The following NCKAP5 variants were observed in gnomAD, a reference collection of about 807,000 sequenced individuals.
The protein encoded by NCKAP5 is nck-associated protein 5.
A neutral mutation model predicts 167.0 loss-of-function variants in NCKAP5; 92 were observed. That is an observed-to-expected ratio of 0.55 (90% CI 0.47 to 0.66). NCKAP5 has a LOEUF of 0.66. Among genes scored for constraint, NCKAP5 ranks in the 30% least tolerant of loss-of-function variants. The pLI is 0.00. For synonymous variants in NCKAP5, 891 were observed against 877.4 expected (o/e 1.02, Z -0.27); for missense variants, 2,378 against 2,315.0 (o/e 1.03, Z -0.56).
rs567026552 is a variant in NCKAP5, at chr2:133,161,925, A to G, written c.208-31814T>C. On this transcript the variant is annotated intron_variant, in intron 5 of 19. Coordinates refer to ENST00000409261, the MANE Select transcript of NCKAP5 (RefSeq NM_207363.3). ...TCTCCTGTATCAGGGATCTACAACC[A>G]GGGAGAAAAGTACAGAGTTTTTAAA... Among the ~76,000 whole-genome samples, 131 of 152,308 alleles carry G rather than the reference A, an allele frequency of 8.6e-4. 1 individual carries two copies. Among genetic ancestry groups the G allele is most frequent in the African/African-American group, 2.8e-3 (116 of 41,578 alleles).
At chr2:132,676,461 C>A (rs1684508301) in intron 19 of NCKAP5, among the ~76,000 whole-genome samples, 1 of 151,874 alleles carries the variant, frequency 6.6e-6, no homozygotes, top group Admixed American at 6.6e-5. Flanking sequence ...CTGGGCTCCT[C>A]AAGTGGTGCT....
At chr2:132,903,706 G>A (rs1484615973) in intron 8 of NCKAP5, among the ~76,000 whole-genome samples, 2 of 152,162 alleles carry the variant, frequency 1.3e-5, no homozygotes. Context: ...ATCTTTTGGA[G>A]GGTTTTGAGA....
At chr2:133,629,239 C>G in the NCKAP5 span, among the ~76,000 whole-genome samples, 1 of 152,172 alleles carries the variant, frequency 6.6e-6, no homozygotes, top group Non-Finnish European at 1.5e-5. Flanking sequence ...GTCTATCCAT[C>G]TGACAAAGGT....
chr2:132,722,301 C>T (rs1399328301), intron 19 of NCKAP5, among the ~76,000 whole-genome samples: 2 of 152,196 alleles, frequency 1.3e-5, no homozygotes, highest in African/African-American at 2.4e-5. Context: ...CCTACTTCTC[C>T]TGTCTACACT....
intron 6 of NCKAP5, among the ~76,000 whole-genome samples, chr2:133,021,832 CT>C (rs2078539754): frequency 6.6e-6 from 1 of 152,088 alleles, no homozygotes; most frequent in Non-Finnish European, 1.5e-5. Flanking sequence ...GGTTTTGCCA[CT>C]TTGCCCAGGC....
intron 16 of NCKAP5, among the ~76,000 whole-genome samples, chr2:132,744,018 A>G (rs1296604590): frequency 6.6e-6 from 1 of 151,810 alleles, no homozygotes; most frequent in African/African-American, 2.4e-5. Context: ...TATATCTATA[A>G]CAATAGAACT....
intron 8 of NCKAP5, among the ~76,000 whole-genome samples, chr2:132,959,820 A>T (rs1400881051): frequency 1.3e-5 from 2 of 152,160 alleles, no homozygotes; most frequent in Non-Finnish European, 2.9e-5. Flanking sequence ...CTTTGTTCTA[A>T]GTCAAATAAA....
intron 3 of NCKAP5, among the ~76,000 whole-genome samples, chr2:133,355,228 A>C (rs1684628858): frequency 6.6e-6 from 1 of 152,182 alleles, no homozygotes; most frequent in Non-Finnish European, 1.5e-5. Context: ...CCTAAAGAAA[A>C]TGTTTATGGC....
intron 19 of NCKAP5, among the ~76,000 whole-genome samples, chr2:132,674,581 T>C (rs1337399409): frequency 6.6e-6 from 1 of 152,168 alleles, no homozygotes; most frequent in Non-Finnish European, 1.5e-5. Context: ...CCCCCAACAT[T>C]GTTATGCTGG....
chr2:133,390,484 TC>T (rs938285937), intron 3 of NCKAP5, among the ~76,000 whole-genome samples: 2 of 152,180 alleles, frequency 1.3e-5, no homozygotes, highest in African/African-American at 4.8e-5. Flanking sequence ...TCTAATGCTT[TC>T]CTAGGCTAAG....
At chr2:133,472,393 C>T (rs1294298356) in intron 3 of NCKAP5, among the ~76,000 whole-genome samples, 1 of 151,928 alleles carries the variant, frequency 6.6e-6, no homozygotes, top group African/African-American at 2.4e-5. Context: ...GCTTTAGATG[C>T]TTTTCATTTA....
At chr2:132,913,673 G>A (rs961762904) in intron 8 of NCKAP5, among the ~76,000 whole-genome samples, 2 of 152,070 alleles carry the variant, frequency 1.3e-5, no homozygotes, top group African/African-American at 2.4e-5. Flanking sequence ...CTGTGGCTTT[G>A]CTTCCCACCA....
At position 133,309,785 on chromosome 2, in the gene NCKAP5, T is replaced by C. The variant is rs145021543; in HGVS notation, c.70-6675A>G. On this transcript the variant is annotated intron_variant, in intron 3 of 19. Transcript: ENST00000409261. The stretch of plus-strand genomic sequence containing the variant: ...GGTCAGTTCTGAGAGAGGCCCATTA[T>C]AAATGAATTCTAATGATGTGAGGAT... 5.9e-5 allele frequency among the ~76,000 whole-genome samples: 9 copies of C among 152,344 alleles called. No individual in the cohort carries two copies. The East Asian group carries it at 1.2e-3, about 20-fold the overall frequency.
chr2:132,710,175 G>A (rs893423059), intron 19 of NCKAP5, among the ~76,000 whole-genome samples: 13 of 152,002 alleles, frequency 8.6e-5, no homozygotes, highest in Non-Finnish European at 1.6e-4. Context: ...ACATGACTAC[G>A]TGATTCTAAA....
chr2:132,771,678 G>GT (rs34744009), intron 16 of NCKAP5, among the ~76,000 whole-genome samples: 21,796 of 142,652 alleles, frequency 0.15, 1,680 homozygotes, highest in East Asian at 0.21. Flanking sequence ...GATGCTAATT[G>GT]TTTTTTTTTT....
chr2:133,566,303 TA>T (rs1688552434), intron 1 of NCKAP5, among the ~76,000 whole-genome samples: 1 of 152,184 alleles, frequency 6.6e-6, no homozygotes. Context: ...GACTTGGAAG[TA>T]AAGCACAAAC....
intron 3 of NCKAP5, among the ~76,000 whole-genome samples, chr2:133,489,812 G>A (rs1464472113): frequency 1.3e-5 from 2 of 152,136 alleles, no homozygotes; most frequent in Admixed American, 6.5e-5. Flanking sequence ...AAATGGACAC[G>A]GTGACAGAAA....
At chr2:133,334,368 T>C (rs943864698) in intron 3 of NCKAP5, among the ~76,000 whole-genome samples, 1 of 152,164 alleles carries the variant, frequency 6.6e-6, no homozygotes, top group Non-Finnish European at 1.5e-5. Context: ...GTATCTGTCA[T>C]GGAGGGCATG....
At chr2:133,336,383 C>A (rs759369151) in intron 3 of NCKAP5, among the ~76,000 whole-genome samples, 32 of 152,098 alleles carry the variant, frequency 2.1e-4, no homozygotes, top group Non-Finnish European at 4.0e-4. Context: ...CCATGCTTTT[C>A]CTTTCCTTTA....
Sources: gnomAD v4.1 joint callset for allele counts (sites outside exome capture counted in the v4.1 genomes callset) on GRCh38, gnomAD v4.1.1 for gene constraint, MANE v1.5 for transcripts, NCBI Gene and HGNC (gene_info 2026-07-23, HGNC 2026-07-21) for gene names.